CNTN4: variants seen among roughly 807,000 people sequenced by gnomAD.
CNTN4 encodes contactin 4, also known as contactin-4.
CNTN4 carries 77 observed loss-of-function variants against 122.5 expected under a neutral mutation model. That is an observed-to-expected ratio of 0.63 (90% CI 0.52 to 0.76). The LOEUF is 0.76. Among genes scored for constraint, CNTN4 ranks in the 30% least tolerant of loss-of-function variants. The pLI is 0.00. For missense variants in CNTN4, 1,256 were observed against 1,259.1 expected, an observed-to-expected ratio of 1.00 and a Z score of 0.04; for synonymous variants, 512 against 447.0, an observed-to-expected ratio of 1.15 and a Z score of -1.83.
chr3:2,862,658 AT>A, intron 7 of CNTN4, among the ~76,000 whole-genome samples: 1 of 152,350 alleles, frequency 6.6e-6, no homozygotes, highest in East Asian at 1.9e-4. Context: ...ATCAAAAGAA[AT>A]CTGTCAAGTT....
At chr3:2,481,396 C>T (rs901461197) in intron 3 of CNTN4, among the ~76,000 whole-genome samples, 2 of 151,846 alleles carry the variant, frequency 1.3e-5, no homozygotes, top group Non-Finnish European at 2.9e-5. Flanking sequence ...CCGCCTCGAC[C>T]TCCCAAAGTG....
intron 16 of CNTN4, among the ~76,000 whole-genome samples, chr3:3,031,590 C>CG (rs941426573): frequency 1.1e-4 from 16 of 152,020 alleles, no homozygotes; most frequent in African/African-American, 1.9e-4. Context: ...CTATGACCCC[C>CG]CCGGCTGAGC....
chr3:2,638,671 A>C, intron 4 of CNTN4, among the ~76,000 whole-genome samples: 1 of 152,210 alleles, frequency 6.6e-6, no homozygotes, highest in Non-Finnish European at 1.5e-5. Context: ...AGCTAGACAT[A>C]TACAGTGTGA....
chr3:2,469,767 T>C (rs1475524257), intron 3 of CNTN4, among the ~76,000 whole-genome samples: 3 of 152,158 alleles, frequency 2.0e-5, no homozygotes, highest in Non-Finnish European at 4.4e-5. Flanking sequence ...ATGGGCTCAG[T>C]ATAAAAATCT....
At chr3:2,952,026 G>C (rs751742156) in intron 13 of CNTN4, among the ~76,000 whole-genome samples, 3 of 152,200 alleles carry the variant, frequency 2.0e-5, no homozygotes, top group Non-Finnish European at 4.4e-5. Context: ...CTAAAAGTCA[G>C]TAAACACAGA....
intron 3 of CNTN4, among the ~76,000 whole-genome samples, chr3:2,554,612 T>A (rs957134959): frequency 2.0e-5 from 3 of 152,170 alleles, no homozygotes; most frequent in South Asian, 4.1e-4. Context: ...ATATATATAT[T>A]TTTTATTTTA....
At chr3:2,257,611 A>C (rs1431550915) in intron 2 of CNTN4, among the ~76,000 whole-genome samples, 1 of 152,220 alleles carries the variant, frequency 6.6e-6, no homozygotes. Context: ...ACCCCATCAA[A>C]AAGTGGGCAA....
intron 3 of CNTN4, among the ~76,000 whole-genome samples, chr3:2,471,555 T>A (rs1301394567): frequency 6.6e-6 from 1 of 152,204 alleles, no homozygotes; most frequent in Non-Finnish European, 1.5e-5. Flanking sequence ...TCCGAAATAG[T>A]TAATTCAAGG....
At chr3:2,367,967 T>G (rs2045465865) in intron 3 of CNTN4, among the ~76,000 whole-genome samples, 1 of 151,978 alleles carries the variant, frequency 6.6e-6, no homozygotes, top group Non-Finnish European at 1.5e-5. Context: ...AGCATGAACC[T>G]TCTCAGTGGT....
rs145664159 is a variant in CNTN4 at position 2,353,161 on chromosome 3, C to T, written c.-89+13928C>T. Among the ~76,000 whole-genome samples, 68 of 152,084 alleles carry T rather than the reference C, an allele frequency of 4.5e-4. No homozygotes were observed. In the East Asian group the frequency reaches 0.012, roughly 27 times the overall value. On this transcript the variant is annotated intron_variant, in intron 3 of 24. Coordinates refer to ENST00000418658, the MANE Select transcript of CNTN4 (RefSeq NM_175607.3). ...GTGTCTAGCTCGGGTTTTGTGGATG[C>T]ACCAATCAGCACTGTGTATCTAGGA...
intron 3 of CNTN4, among the ~76,000 whole-genome samples, chr3:2,389,465 A>G (rs942907420): frequency 6.6e-6 from 1 of 152,170 alleles, no homozygotes; most frequent in African/African-American, 2.4e-5. Flanking sequence ...TATCTTTCAT[A>G]AATGATCCCA....
chr3:2,704,776 C>T (rs2086556544), intron 4 of CNTN4, among the ~76,000 whole-genome samples: 1 of 152,034 alleles, frequency 6.6e-6, no homozygotes, highest in Non-Finnish European at 1.5e-5. Flanking sequence ...GAGAGATGTT[C>T]AATACAATAC....
intron 2 of CNTN4, among the ~76,000 whole-genome samples, chr3:2,285,573 G>C (rs1282938555): frequency 6.6e-6 from 1 of 151,992 alleles, no homozygotes; most frequent in Admixed American, 6.6e-5. Context: ...AACAAAATGA[G>C]AGCCTTCTCA....
In CNTN4 at chr3:2,962,588, T is replaced by C. The variant is rs140842150; in HGVS notation, c.1359-25757T>C. On this transcript the variant is annotated intron_variant, in intron 13 of 24. Transcript: ENST00000418658. Reference sequence around the variant, plus strand: ...GGCAGAAGCTGTATATTTACAGGAATAGTTTGATCAGGGTGCCCCTGCTGA... The same window carrying C: ...GGCAGAAGCTGTATATTTACAGGAACAGTTTGATCAGGGTGCCCCTGCTGA... Among the ~76,000 whole-genome samples, 126 of 152,292 alleles carry C rather than the reference T, an allele frequency of 8.3e-4. 1 individual carries two copies. Among genetic ancestry groups the C allele is most frequent in the South Asian group, 6.4e-3 (31 of 4,828 alleles).
At chr3:2,659,460 C>CAAAAAAA (rs59025670) in intron 4 of CNTN4, among the ~76,000 whole-genome samples, 11 of 53,872 alleles carry the variant, frequency 2.0e-4, no homozygotes, top group Non-Finnish European at 2.3e-4. Flanking sequence ...GACTCCATCT[C>CAAAAAAA]AAAAAAAAAA....
At chr3:2,874,881 T>A (rs2093825702) in intron 8 of CNTN4, among the ~76,000 whole-genome samples, 2 of 152,194 alleles carry the variant, frequency 1.3e-5, no homozygotes, top group Admixed American at 1.3e-4. Flanking sequence ...TGTGGCCTGT[T>A]TCTGTAAATA....
chr3:3,036,439 C>A (rs746573674), intron 17 of CNTN4, among the ~76,000 whole-genome samples: 1 of 152,052 alleles, frequency 6.6e-6, no homozygotes, highest in Non-Finnish European at 1.5e-5. Context: ...TTTTCCTCTT[C>A]TGTTAAATGG....
chr3:2,933,344 G>A (rs190512822), intron 13 of CNTN4, among the ~76,000 whole-genome samples: 51 of 152,268 alleles, frequency 3.3e-4, no homozygotes, highest in African/African-American at 1.2e-3. Context: ...AGTTTATACA[G>A]GGGATATGTA....
chr3:2,534,044 A>G (rs1203027868), intron 3 of CNTN4, among the ~76,000 whole-genome samples: 4 of 151,726 alleles, frequency 2.6e-5, no homozygotes, highest in Non-Finnish European at 5.9e-5. Flanking sequence ...ATTTTCTCCC[A>G]TGCTGTAGGT....
Sources: gnomAD v4.1 joint callset for allele counts (sites outside exome capture counted in the v4.1 genomes callset) on GRCh38, gnomAD v4.1.1 for gene constraint, MANE v1.5 for transcripts, NCBI Gene and HGNC (gene_info 2026-07-23, HGNC 2026-07-21) for gene names.